Variants in GMCL1 observed in about 807,000 individuals in gnomAD.
The protein encoded by GMCL1 is germ cell-less protein-like 1.
GMCL1 carries 54 observed loss-of-function variants against 75.5 expected under a neutral mutation model. That is an observed-to-expected ratio of 0.71 (90% confidence interval 0.57 to 0.90). The LOEUF (loss-of-function observed/expected upper bound fraction) is 0.90. Among genes scored for constraint, GMCL1 ranks in the 40% least tolerant of loss-of-function variants. GMCL1 has a pLI of 0.00. For missense variants in GMCL1, 537 were observed against 622.7 expected (o/e 0.86, Z 1.47); for synonymous variants, 210 against 209.6 (o/e 1.00, Z -0.02).
At chr2:69,865,330 A>G (rs1484815050) in intron 11 of GMCL1, among the ~76,000 whole-genome samples, 1 of 152,226 alleles carries the variant, frequency 6.6e-6, no homozygotes, top group East Asian at 1.9e-4. Flanking sequence ...ATTCAAATCC[A>G]TTGATTGTTA....
intron 11 of GMCL1, 123 bp from the exon 12 acceptor site, chr2:69,869,596 A>G: frequency 1.1e-6 from 1 of 885,624 alleles, no homozygotes; most frequent in Non-Finnish European, 1.7e-6. Context: ...CACTGACAAA[A>G]AGTCGACCAC....
intron 3 of GMCL1, among the ~76,000 whole-genome samples, chr2:69,839,805 G>A (rs549327660): frequency 6.6e-6 from 1 of 151,544 alleles, no homozygotes; most frequent in South Asian, 2.1e-4. Flanking sequence ...GGATATGGAA[G>A]ATGTAGGATG....
intron 9 of GMCL1, among the ~76,000 whole-genome samples, chr2:69,859,668 A>G (rs1157774922): frequency 1.3e-5 from 2 of 148,966 alleles, no homozygotes; most frequent in Admixed American, 6.9e-5. Flanking sequence ...CAGGAGTTCA[A>G]GGCTGCAGTT....
intron 12 of GMCL1, 86 bp from the exon 13 acceptor site, chr2:69,871,659 A>G: frequency 1.4e-6 from 1 of 699,708 alleles, no homozygotes; most frequent in Non-Finnish European, 2.3e-6. Context: ...AACAGAGGAA[A>G]AAGTAAATAT....
At chr2:69,849,537 G>T in intron 7 of GMCL1, 115 bp from the exon 8 acceptor site, 1 of 608,778 alleles carries the variant, frequency 1.6e-6, no homozygotes, top group Non-Finnish European at 2.8e-6. Context: ...TGCTGGTAAA[G>T]TAGAAGTTAA....
intron 13 of GMCL1, among the ~76,000 whole-genome samples, chr2:69,877,733 T>A (rs1011020817): frequency 1.7e-4 from 24 of 145,220 alleles, no homozygotes; most frequent in Non-Finnish European, 2.3e-4. Flanking sequence ...TGTGTGTGTG[T>A]GAGACATTTG....
At chr2:69,861,095 G>C (rs1442360595) in intron 9 of GMCL1, among the ~76,000 whole-genome samples, 183 bp from the exon 10 acceptor site, 1 of 152,128 alleles carries the variant, frequency 6.6e-6, no homozygotes, top group Admixed American at 6.5e-5. Context: ...CACCTGCCTT[G>C]GCCTCCCAAA....
intron 8 of GMCL1, among the ~76,000 whole-genome samples, chr2:69,850,334 AT>A (rs1437533537): frequency 4.0e-5 from 6 of 150,766 alleles, no homozygotes; most frequent in African/African-American, 1.5e-4. Context: ...TATAAAAAAA[AT>A]ACATGTGTAT....
At chr2:69,877,147 A>C (rs1301494895) in intron 13 of GMCL1, among the ~76,000 whole-genome samples, 1 of 152,226 alleles carries the variant, frequency 6.6e-6, no homozygotes, top group Non-Finnish European at 1.5e-5. Flanking sequence ...GAATAAGGAA[A>C]ATAGAACTTT....
At chr2:69,832,410 A>T (rs1408659322) in intron 1 of GMCL1, among the ~76,000 whole-genome samples, 1 of 152,226 alleles carries the variant, frequency 6.6e-6, no homozygotes, top group Non-Finnish European at 1.5e-5. Flanking sequence ...CCCCTTTATC[A>T]TAACAAAATG....
chr2:69,868,051 A>G (rs368839697), intron 11 of GMCL1, among the ~76,000 whole-genome samples: 5 of 152,154 alleles, frequency 3.3e-5, no homozygotes, highest in Admixed American at 6.5e-5. Context: ...GCCTACTTCT[A>G]TCTTAGTCCA....
At chr2:69,877,706 TTGTGTGTGTG>T (rs10549628) in intron 13 of GMCL1, among the ~76,000 whole-genome samples, 8 of 149,828 alleles carry the variant, frequency 5.3e-5, no homozygotes, top group African/African-American at 1.5e-4. Flanking sequence ...GATTGTGTGT[TTGTGTGTGTG>T]TGTGTGTGTG....
At chr2:69,877,561 G>T (rs183796382) in intron 13 of GMCL1, among the ~76,000 whole-genome samples, 1 of 152,314 alleles carries the variant, frequency 6.6e-6, no homozygotes, top group East Asian at 1.9e-4. Context: ...GATGTCTCAA[G>T]CATCTGAAGA....
intron 11 of GMCL1, among the ~76,000 whole-genome samples, chr2:69,867,870 C>T (rs1675866592): frequency 6.6e-6 from 1 of 152,222 alleles, no homozygotes; most frequent in African/African-American, 2.4e-5. Flanking sequence ...TGAGGTAACT[C>T]ATACCTTCTC....
intron 7 of GMCL1, 35 bp downstream of exon 7, chr2:69,847,662 A>T (rs1024485286): frequency 8.6e-6 from 11 of 1,282,582 alleles, no homozygotes; most frequent in African/African-American, 1.5e-5. Flanking sequence ...TTATACAAGG[A>T]TGTCACCTCA....
At position 69,871,770 on chromosome 2, in the gene GMCL1, A is replaced by G. The variant is rs1366707461; in HGVS notation, c.1390A>G (p.Ser464Gly). ...ATTACGTTTGGCTTCTTTTGATAGT[A>G]GTGGAAAACTAATATGTAGTAGAAC... ...FRLRLASFDS[S>G]GKLICSRTTG... The change falls in exon 13 of 14, where the codon AGT becomes GGT. Residue 464 changes from serine (S) to glycine (G), a missense_variant. Physicochemically the swap from Ser to Gly is moderately conservative, Grantham distance 56. Coordinates refer to ENST00000282570, the MANE Select transcript of GMCL1 (RefSeq NM_178439.5). 1.9e-6 allele frequency: 3 copies of G among 1,580,324 alleles called. No homozygotes were observed. The highest frequency in any genetic ancestry group is 2.6e-6 in the Non-Finnish European group (3 of 1,159,258).
chr2:69,873,960 T>TTC (rs1676053841), intron 13 of GMCL1: 1 of 161,450 alleles, frequency 6.2e-6, no homozygotes, highest in Non-Finnish European at 1.5e-5. Context: ...TTTTTTTTTT[T>TTC]TCACTTTGTT....
chr2:69,835,608 G>A (rs1674798664), intron 1 of GMCL1, among the ~76,000 whole-genome samples: 1 of 152,170 alleles, frequency 6.6e-6, no homozygotes, highest in Non-Finnish European at 1.5e-5. Context: ...GGTGGGGCAT[G>A]CTTTGTAGAG....
chr2:69,844,341 A>G (rs1675072538), intron 6 of GMCL1, 145 bp downstream of exon 6: 3 of 515,832 alleles, frequency 5.8e-6, no homozygotes, highest in Non-Finnish European at 1.0e-5. Flanking sequence ...ACATCCATAA[A>G]CTGAAGAAAT....
Sources: allele counts gnomAD v4.1 joint callset (sites outside exome capture counted in the v4.1 genomes callset), GRCh38; gene constraint gnomAD v4.1.1; transcripts MANE v1.5; gene names NCBI Gene and HGNC (gene_info 2026-07-23, HGNC 2026-07-21).